Variants in SSBP2 observed in about 807,000 individuals in gnomAD.
SSBP2 encodes the protein single stranded DNA binding protein 2.
Under a neutral mutation model 61.8 loss-of-function variants are expected in SSBP2, and 17 were observed. That is an observed-to-expected ratio of 0.28 (90% CI 0.19 to 0.41). The LOEUF (loss-of-function observed/expected upper bound fraction) is 0.41, where lower values mean the gene tolerates loss of function less well. Ranked by LOEUF, SSBP2 falls within the 10% of genes least tolerant of loss-of-function variation. The pLI is 1.00. For synonymous variants in SSBP2, 139 were observed against 141.3 expected (o/e 0.98, Z 0.12); for missense variants, 310 against 458.7 (o/e 0.68, Z 2.96).
chr5:81,507,390 A>G (rs1016680840), intron 5 of SSBP2, among the ~76,000 whole-genome samples: 1 of 152,152 alleles, frequency 6.6e-6, no homozygotes, highest in Non-Finnish European at 1.5e-5. Flanking sequence ...TCAACATATT[A>G]TCAGTTTTCA....
chr5:81,472,165 A>T (rs896068782), intron 8 of SSBP2, among the ~76,000 whole-genome samples: 2 of 152,194 alleles, frequency 1.3e-5, no homozygotes, highest in African/African-American at 4.8e-5. Flanking sequence ...ATGACATGTT[A>T]ATCTCTGACC....
intron 1 of SSBP2, among the ~76,000 whole-genome samples, chr5:81,745,566 C>T (rs934206440): frequency 6.6e-6 from 1 of 152,092 alleles, no homozygotes. Flanking sequence ...CAGAGGCTCA[C>T]ATGTCACTAG....
At chr5:81,449,406 C>T (rs1034458303) in intron 10 of SSBP2, among the ~76,000 whole-genome samples, 3 of 152,076 alleles carry the variant, frequency 2.0e-5, no homozygotes, top group Non-Finnish European at 4.4e-5. Context: ...AGTAAGCCCT[C>T]GAGTATGTAT....
chr5:81,454,915 G>A, intron 10 of SSBP2, among the ~76,000 whole-genome samples: 1 of 152,002 alleles, frequency 6.6e-6, no homozygotes, highest in East Asian at 1.9e-4. Flanking sequence ...AGCTGATAGA[G>A]AAGGGGCCAA....
chr5:81,420,303 T>C lies in SSBP2; in HGVS notation c.*201A>G. 3.3e-6 allele frequency: 2 copies of C among 599,568 alleles called. No individual in the cohort carries two copies. Among genetic ancestry groups the C allele is most frequent in the Non-Finnish European group, 6.0e-6 (2 of 334,378 alleles). The allele number at this position is 599,568 out of a possible 1,614,324, so 37.1% of individuals were successfully genotyped here. Reference sequence around the variant, plus strand: ...AGTTCAGTTTAGGGCAATTCTAATATGCCACTCCGTACAGTTGTTTGAATC... The same window carrying C: ...AGTTCAGTTTAGGGCAATTCTAATACGCCACTCCGTACAGTTGTTTGAATC... On this transcript the variant is annotated 3_prime_UTR_variant, in exon 17 of 17. Transcript: ENST00000320672.
intron 1 of SSBP2, among the ~76,000 whole-genome samples, chr5:81,676,637 T>C (rs1752007926): frequency 6.6e-6 from 1 of 152,160 alleles, no homozygotes; most frequent in African/African-American, 2.4e-5. Context: ...TTGAAGAGCC[T>C]AATCCAGTAT....
chr5:81,652,137 T>A (rs1749784878), intron 1 of SSBP2, among the ~76,000 whole-genome samples: 1 of 152,094 alleles, frequency 6.6e-6, no homozygotes, highest in Non-Finnish European at 1.5e-5. Flanking sequence ...AGAGAGTGAA[T>A]GAAGCAGGGG....
chr5:81,676,700 C>A (rs1025811171), intron 1 of SSBP2, among the ~76,000 whole-genome samples: 1 of 152,120 alleles, frequency 6.6e-6, no homozygotes, highest in Non-Finnish European at 1.5e-5. Context: ...CCCCTCCTTC[C>A]CCTCTTTGTA....
At chr5:81,725,887 A>T (rs1036412445) in intron 1 of SSBP2, among the ~76,000 whole-genome samples, 3 of 152,132 alleles carry the variant, frequency 2.0e-5, no homozygotes, top group African/African-American at 7.2e-5. Flanking sequence ...TGATGGACAC[A>T]TGGTGGGTTG....
chr5:81,546,528 T>C (rs1197683560), intron 4 of SSBP2, among the ~76,000 whole-genome samples: 19 of 152,158 alleles, frequency 1.2e-4, no homozygotes, highest in Admixed American at 9.8e-4. Context: ...TCAACTTTAA[T>C]GTTCAAGAGA....
At chr5:81,593,509 T>C (rs555312559) in intron 4 of SSBP2, among the ~76,000 whole-genome samples, 21 of 152,200 alleles carry the variant, frequency 1.4e-4, no homozygotes, top group East Asian at 5.8e-4. Flanking sequence ...AGATACTCCT[T>C]GAGAAGAGCA....
chr5:81,636,879 A>G lies in SSBP2; in HGVS notation c.136-261T>C, dbSNP rs376687475. On this transcript the variant is annotated intron_variant, in intron 2 of 16. Coordinates refer to ENST00000320672, the MANE Select transcript of SSBP2 (RefSeq NM_012446.5). ...TAAAGCTCTAGTCTTTCAGTTTTAAATCCATCTTTCTGTGGTCTTTCAGAT... is the reference window on the plus strand; with the variant it reads ...TAAAGCTCTAGTCTTTCAGTTTTAAGTCCATCTTTCTGTGGTCTTTCAGAT... 1.4e-4 allele frequency among the ~76,000 whole-genome samples: 21 copies of G among 152,300 alleles called. No homozygotes were observed. In the South Asian group the frequency reaches 4.4e-3, roughly 32 times the overall value.
chr5:81,674,079 AT>A (rs761181935), intron 1 of SSBP2, among the ~76,000 whole-genome samples: 2 of 152,178 alleles, frequency 1.3e-5, no homozygotes, highest in Non-Finnish European at 2.9e-5. Flanking sequence ...GGAATACATG[AT>A]TTCAAGAGTA....
At chr5:81,559,218 T>C (rs1416986703) in intron 4 of SSBP2, among the ~76,000 whole-genome samples, 2 of 151,970 alleles carry the variant, frequency 1.3e-5, no homozygotes, top group Non-Finnish European at 2.9e-5. Flanking sequence ...AAACCCCATC[T>C]CTACTAAAAA....
At chr5:81,453,691 C>T (rs976117325) in intron 10 of SSBP2, among the ~76,000 whole-genome samples, 4 of 152,016 alleles carry the variant, frequency 2.6e-5, no homozygotes, top group East Asian at 1.9e-4. Context: ...CTCCTGACCT[C>T]GTGATCCGCC....
At chr5:81,449,065 A>C (rs1763594544) in intron 10 of SSBP2, among the ~76,000 whole-genome samples, 2 of 152,236 alleles carry the variant, frequency 1.3e-5, no homozygotes, top group Admixed American at 1.3e-4. Flanking sequence ...GCTTTAAGAT[A>C]TATTGGTTTC....
At position 81,626,718 on chromosome 5, in the gene SSBP2, C is replaced by T. The variant is rs531403171; in HGVS notation, c.197+9839G>A. Reference sequence around the variant, plus strand: ...ACCCTACATGCAGCTGCCAGGGATCCGTGGATGCCTCAATATAGACATGAC... The same window carrying T: ...ACCCTACATGCAGCTGCCAGGGATCTGTGGATGCCTCAATATAGACATGAC... On this transcript the variant is annotated intron_variant, in intron 3 of 16. Transcript: ENST00000320672. Among the ~76,000 whole-genome samples, 14 of 152,258 alleles carry T rather than the reference C, an allele frequency of 9.2e-5. No individual in the cohort carries two copies. The South Asian group carries it at 2.9e-3, about 32-fold the overall frequency.
intron 3 of SSBP2, among the ~76,000 whole-genome samples, chr5:81,624,164 G>A (rs1261251920): frequency 6.6e-6 from 1 of 151,828 alleles, no homozygotes; most frequent in Admixed American, 6.6e-5. Context: ...TAATAATCTA[G>A]GATATGTTAT....
intron 4 of SSBP2, among the ~76,000 whole-genome samples, chr5:81,536,939 G>A (rs1294666643): frequency 2.0e-5 from 3 of 151,562 alleles, no homozygotes; most frequent in African/African-American, 4.9e-5. Context: ...AGGAGGCGGA[G>A]GTTGCAGTGA....
Sources: gnomAD v4.1 joint callset for allele counts (sites outside exome capture counted in the v4.1 genomes callset) on GRCh38, gnomAD v4.1.1 for gene constraint, MANE v1.5 for transcripts, NCBI Gene and HGNC (gene_info 2026-07-23, HGNC 2026-07-21) for gene names.